PLXNA4: variants seen among roughly 807,000 people sequenced by gnomAD.
The protein encoded by PLXNA4 is plexin A4.
PLXNA4 carries 44 observed loss-of-function variants against 191.8 expected under a neutral mutation model. The observed-to-expected ratio is 0.23, with a 90% CI of 0.18 to 0.29. The LOEUF (loss-of-function observed/expected upper bound fraction) is 0.29. Among genes scored for constraint, PLXNA4 ranks in the 10% least tolerant of loss-of-function variants. PLXNA4 has a pLI of 1.00. For missense variants in PLXNA4, 1,800 were observed against 2,488.8 expected, an observed-to-expected ratio of 0.72 and a Z score of 5.89; for synonymous variants, 1,082 against 1,009.5, an observed-to-expected ratio of 1.07 and a Z score of -1.36.
intron 1 of PLXNA4, among the ~76,000 whole-genome samples, chr7:132,562,927 T>TC (rs1801318943): frequency 1.7e-5 from 1 of 58,890 alleles, no homozygotes; most frequent in Non-Finnish European, 3.3e-5. Flanking sequence ...CTCCTCCTCC[T>TC]CTCCCTCCTC....
At chr7:132,134,231 C>T (rs556686136) in intron 30 of PLXNA4, among the ~76,000 whole-genome samples, 15 of 152,270 alleles carry the variant, frequency 9.9e-5, no homozygotes, top group African/African-American at 2.4e-4. Flanking sequence ...TCAGAGGCTC[C>T]GGGACAGTCT....
intron 1 of PLXNA4, among the ~76,000 whole-genome samples, chr7:132,544,644 T>C (rs1404696849): frequency 1.3e-5 from 2 of 152,168 alleles, no homozygotes; most frequent in Non-Finnish European, 2.9e-5. Flanking sequence ...AGGTGCCCAT[T>C]AGGGTTAACT....
At chr7:132,333,090 C>T (rs10263402) in intron 3 of PLXNA4, among the ~76,000 whole-genome samples, 75,286 of 152,068 alleles carry the variant, frequency 0.5, 20,560 homozygotes, top group African/African-American at 0.73. Context: ...TTAAAAGTCA[C>T]TGGGTGAGAT....
At chr7:132,156,135 TACACACACACAC>T (rs57153762) in intron 25 of PLXNA4, among the ~76,000 whole-genome samples, 1,358 of 133,096 alleles carry the variant, frequency 0.01, 11 homozygotes, top group African/African-American at 0.025. Context: ...TTTCTGGACA[TACACACACACAC>T]ACACACACAC....
At position 132,612,226 on chromosome 7, in the gene PLXNA4, G is replaced by A. The variant is rs141774179; in HGVS notation, c.-87+33702C>T. Among the ~76,000 whole-genome samples the A allele has an allele frequency of 5.2e-3, 792 of 152,280 alleles. 14 individuals are homozygous for A. Among genetic ancestry groups the A allele is most frequent in the African/African-American group, 0.018 (766 of 41,558 alleles). Reference sequence around the variant, plus strand: ...CACACCTAACTGCAGAGGACACTGGGAAATAGCACCTGTTAGCTACATGCA... The same window carrying A: ...CACACCTAACTGCAGAGGACACTGGAAAATAGCACCTGTTAGCTACATGCA... On this transcript the variant is annotated intron_variant, in intron 2 of 4. Transcript: ENST00000378539.
At chr7:132,598,891 C>T (rs533807587) in intron 2 of PLXNA4, among the ~76,000 whole-genome samples, 3 of 152,142 alleles carry the variant, frequency 2.0e-5, no homozygotes, top group Admixed American at 2.0e-4. Flanking sequence ...TTCTTTTAAC[C>T]TTATAGTTTA....
At chr7:132,411,926 C>A (rs1159412939) in intron 3 of PLXNA4, among the ~76,000 whole-genome samples, 1 of 152,206 alleles carries the variant, frequency 6.6e-6, no homozygotes, top group Non-Finnish European at 1.5e-5. Context: ...TCTGAAATGG[C>A]TTAGCTCCTG....
chr7:132,168,624 T>G lies in PLXNA4; in HGVS notation c.4018-52A>C, dbSNP rs370829671. ...GCCATTGGCAGGTTGGGGAGCTCAGTGACCTCCCCACGGGATGGCTGTGCC... is the reference window on the plus strand; with the variant it reads ...GCCATTGGCAGGTTGGGGAGCTCAGGGACCTCCCCACGGGATGGCTGTGCC... On this transcript the variant is annotated intron_variant, in intron 21 of 31. Coordinates refer to ENST00000321063, the MANE Select transcript of PLXNA4 (RefSeq NM_020911.2). 112 of 1,524,970 alleles carry G rather than the reference T, an allele frequency of 7.3e-5. No homozygotes were observed. In the African/African-American group the frequency reaches 1.5e-3, roughly 20 times the overall value. 94.5% of individuals were successfully genotyped at this position (1,524,970 alleles called of 1,614,324 possible). A position where few individuals can be genotyped will look rare whatever the true frequency, so the allele number is the denominator to read the frequency against.
At chr7:132,609,262 G>A (rs1803001693) in intron 2 of PLXNA4, among the ~76,000 whole-genome samples, 1 of 152,124 alleles carries the variant, frequency 6.6e-6, no homozygotes, top group South Asian at 2.1e-4. Flanking sequence ...CATTGAGTAG[G>A]GCCACTCAGT....
intron 4 of PLXNA4, among the ~76,000 whole-genome samples, chr7:132,256,750 G>A (rs949890134): frequency 1.3e-5 from 2 of 152,186 alleles, no homozygotes; most frequent in African/African-American, 4.8e-5. Context: ...CCCAACCCAT[G>A]ACCCTGTTAA....
At chr7:132,597,859 C>CTATATATA (rs1554476079) in intron 2 of PLXNA4, among the ~76,000 whole-genome samples, 1,459 of 145,298 alleles carry the variant, frequency 0.01, 13 homozygotes, top group Admixed American at 0.014. Context: ...CTCTCTCTCT[C>CTATATATA]TATATATATA....
intron 3 of PLXNA4, among the ~76,000 whole-genome samples, chr7:132,423,131 G>A (rs144608206): frequency 8.1e-4 from 124 of 152,346 alleles, no homozygotes; most frequent in African/African-American, 2.5e-3. Context: ...TGCGAACACC[G>A]TGGAATTAGC....
At chr7:132,303,248 ATTTTT>A (rs201091759) in intron 3 of PLXNA4, among the ~76,000 whole-genome samples, 2 of 129,782 alleles carry the variant, frequency 1.5e-5, no homozygotes, top group African/African-American at 2.8e-5. Flanking sequence ...ACAGAAGTTG[ATTTTT>A]TTTTTTTTTT....
Position 132,146,558 on chromosome 7 carries a change from C to A in PLXNA4, c.5007G>T (p.Gly1669=). 1 of 1,614,142 alleles carries A rather than the reference C, an allele frequency of 6.2e-7. No homozygotes were observed. The highest frequency in any genetic ancestry group is 8.5e-7 in the Non-Finnish European group (1 of 1,180,012). The change falls in exon 28 of 32, where the codon GGG becomes GGT. Residue 1669 remains glycine, a synonymous_variant. Coordinates refer to ENST00000321063, the MANE Select transcript of PLXNA4 (RefSeq NM_020911.2). The part of the protein sequence containing the change: ...EHGDQKEGDR[G]SKMVSEIYLT... ...GGTAGATTTCAGACACCATCTTGCT[C>A]CCCCGGTCCCCCTCCTTCTGGTCTC...
chr7:132,231,704 C>T (rs142615993), intron 5 of PLXNA4, among the ~76,000 whole-genome samples: 233 of 152,312 alleles, frequency 1.5e-3, no homozygotes, highest in Admixed American at 5.6e-3. Context: ...GGATTACAGG[C>T]GTGAGCCACC....
chr7:132,219,331 C>G (rs2116937788), intron 9 of PLXNA4, among the ~76,000 whole-genome samples: 1 of 152,324 alleles, frequency 6.6e-6, no homozygotes, highest in East Asian at 1.9e-4. Flanking sequence ...TCTATAATCG[C>G]CAGCCCCCCT....
intron 16 of PLXNA4, among the ~76,000 whole-genome samples, chr7:132,182,800 G>A (rs1380246371): frequency 1.3e-5 from 2 of 152,204 alleles, no homozygotes; most frequent in Non-Finnish European, 2.9e-5. Flanking sequence ...GGTGGCACAG[G>A]ACCACTGACA....
At chr7:132,348,961 G>T (rs78845586) in intron 3 of PLXNA4, among the ~76,000 whole-genome samples, 4,220 of 152,168 alleles carry the variant, frequency 0.028, 68 homozygotes, top group Middle Eastern at 0.044. Flanking sequence ...ACTCCTAATG[G>T]GGGCAGCGTC....
chr7:132,244,407 C>T (rs1798980223), intron 4 of PLXNA4, among the ~76,000 whole-genome samples: 1 of 152,204 alleles, frequency 6.6e-6, no homozygotes, highest in African/African-American at 2.4e-5. Context: ...GCAGCTAGAG[C>T]TTTCTCATCT....
Sources: allele counts gnomAD v4.1 joint callset (sites outside exome capture counted in the v4.1 genomes callset), GRCh38; gene constraint gnomAD v4.1.1; transcripts MANE v1.5; gene names NCBI Gene and HGNC (gene_info 2026-07-23, HGNC 2026-07-21).